SART3: variants seen among roughly 807,000 people sequenced by gnomAD.
SART3 encodes spliceosome associated factor 3, U4/U6 recycling protein.
In SART3, 44 loss-of-function variants were observed where a neutral mutation model predicts 122.3. The observed-to-expected ratio is 0.36, with a 90% CI of 0.28 to 0.46. The LOEUF is 0.46. Among genes scored for constraint, SART3 ranks in the 20% least tolerant of loss-of-function variants. The probability of loss-of-function intolerance (pLI) is 1.00; values close to 1 mark genes in which losing one functional copy is unlikely to be tolerated. For missense variants in SART3, 1,101 were observed against 1,229.0 expected (o/e 0.90, Z 1.56); for synonymous variants, 442 against 454.0 (o/e 0.97, Z 0.34).
chr12:108,528,439 C>A (rs1565857987), intron 15 of SART3, among the ~76,000 whole-genome samples: 1 of 147,958 alleles, frequency 6.8e-6, no homozygotes, highest in South Asian at 2.1e-4. Context: ...GCCGAGATCA[C>A]GCAACTGCAC....
At chr12:108,544,501 C>G (rs758165784) in intron 4 of SART3, 23 bp from the exon 5 acceptor site, 1 of 1,614,156 alleles carries the variant, frequency 6.2e-7, no homozygotes, top group Non-Finnish European at 8.5e-7. Context: ...GGTTTGTTCC[C>G]GGTCAAAAGG....
chr12:108,531,651 AGGG>A (rs1321820763), intron 13 of SART3: 10 of 286,062 alleles, frequency 3.5e-5, no homozygotes, highest in Admixed American at 2.9e-4. Flanking sequence ...GCCAGTTCTG[AGGG>A]GTCCATACCC....
chr12:108,541,543 T>A lies in SART3; in HGVS notation c.906+1485A>T, dbSNP rs137936232. On this transcript the variant is annotated intron_variant, in intron 6 of 18. Coordinates refer to ENST00000546815, the MANE Select transcript of SART3 (RefSeq NM_014706.4). Reference sequence around the variant, plus strand: ...ATCAAAAGGGAAATGGGTCAAAGACTTTTTTTTTTGAGACGGAGTCTCACA... The same window carrying A: ...ATCAAAAGGGAAATGGGTCAAAGACATTTTTTTTTGAGACGGAGTCTCACA... Among the ~76,000 whole-genome samples, 1,137 of 149,622 alleles carry A rather than the reference T, an allele frequency of 7.6e-3. 11 individuals are homozygous for A. Among genetic ancestry groups the A allele is most frequent in the African/African-American group, 0.026 (1,080 of 40,910 alleles).
chr12:108,532,863 C>A (rs1872743815), intron 12 of SART3, among the ~76,000 whole-genome samples: 1 of 152,090 alleles, frequency 6.6e-6, no homozygotes, highest in South Asian at 2.1e-4. Context: ...AGGCAATTCT[C>A]CTGCTTCAGC....
In SART3 at chr12:108,526,749, A is replaced by G. The variant is rs557464556; in HGVS notation, c.1916-196T>C. Reference sequence around the variant, plus strand: ...CTGTCCCACGACTTTCTGTGCCCCAATTACACTCGGGTAAGTGGGCTCAAT... The same window carrying G: ...CTGTCCCACGACTTTCTGTGCCCCAGTTACACTCGGGTAAGTGGGCTCAAT... On this transcript the variant is annotated intron_variant, in intron 15 of 18. Coordinates refer to ENST00000546815, the MANE Select transcript of SART3 (RefSeq NM_014706.4). Among the ~76,000 whole-genome samples, 17 of 148,646 alleles carry G rather than the reference A, an allele frequency of 1.1e-4. 1 individual carries two copies. The highest frequency in any genetic ancestry group is 3.2e-4 in the African/African-American group (13 of 40,454).
intron 11 of SART3, 106 bp from the exon 12 acceptor site, chr12:108,535,574 T>C: frequency 3.3e-6 from 3 of 919,370 alleles, no homozygotes; most frequent in Non-Finnish European, 5.4e-6. Flanking sequence ...CCACAACTAT[T>C]AGTGTTACAG....
Position 108,531,293 on chromosome 12 carries a change from A to G in SART3, c.1670-13T>C. The G allele has an allele frequency of 6.2e-7, 1 of 1,608,332 alleles. No individual in the cohort carries two copies. The highest frequency in any genetic ancestry group is 8.5e-7 in the Non-Finnish European group (1 of 1,174,836). On this transcript the variant is annotated splice_polypyrimidine_tract_variant and intron_variant, in intron 13 of 18. Coordinates refer to ENST00000546815, the MANE Select transcript of SART3 (RefSeq NM_014706.4). ...TCTTCTAAAGAACCTTGAAAGAAAG[A>G]GAAGCAAAACTTTCACTCTTTAGGA...
At chr12:108,532,475 A>G in intron 12 of SART3, 141 bp from the exon 13 acceptor site, 2 of 692,476 alleles carry the variant, frequency 2.9e-6, no homozygotes, top group African/African-American at 1.8e-5. Flanking sequence ...AGATCTATCC[A>G]TGATGCTTTC....
At chr12:108,548,356 T>C (rs1873531370) in intron 2 of SART3, among the ~76,000 whole-genome samples, 1 of 152,234 alleles carries the variant, frequency 6.6e-6, no homozygotes, top group Non-Finnish European at 1.5e-5. Context: ...GAATAGCTCA[T>C]CCTATACCGT....
chr12:108,535,300 G>T, intron 12 of SART3, 59 bp downstream of exon 12: 6 of 1,365,754 alleles, frequency 4.4e-6, no homozygotes, highest in South Asian at 2.3e-5. Flanking sequence ...TCAGCCAGGA[G>T]TGAAGACAGG....
In SART3 at chr12:108,537,601, G is replaced by C. The variant is rs1391145772; in HGVS notation, c.1202-6C>G. On this transcript the variant is annotated splice_region_variant and splice_polypyrimidine_tract_variant and intron_variant, in intron 8 of 18. Coordinates refer to ENST00000546815, the MANE Select transcript of SART3 (RefSeq NM_014706.4). ...CAAAGCTTTCTCGAAGGTTACTGGA[G>C]TTGGAGAAAAGTCAGGATTTGTTAC... The C allele has an allele frequency of 3.1e-6, 5 of 1,611,728 alleles. No individual in the cohort carries two copies.
chr12:108,549,669 C>T (rs761814020), intron 1 of SART3, among the ~76,000 whole-genome samples: 1 of 152,096 alleles, frequency 6.6e-6, no homozygotes, highest in East Asian at 1.9e-4. Context: ...AATTTCATAA[C>T]GTCCTTTAGC....
At chr12:108,558,099 G>A (rs1010678752) in intron 1 of SART3, among the ~76,000 whole-genome samples, 1 of 152,026 alleles carries the variant, frequency 6.6e-6, no homozygotes, top group Admixed American at 6.6e-5. Context: ...AGCCTGGGAG[G>A]TCCTAGCTGC....
intron 15 of SART3, among the ~76,000 whole-genome samples, chr12:108,528,861 C>A (rs1872520655): frequency 6.6e-6 from 1 of 152,152 alleles, no homozygotes; most frequent in Admixed American, 6.5e-5. Flanking sequence ...GTGGCTCACA[C>A]CTGTAATCCC....
intron 15 of SART3, 131 bp downstream of exon 15, chr12:108,530,011 A>G (rs1872587263): frequency 5.6e-6 from 6 of 1,064,930 alleles, no homozygotes; most frequent in Non-Finnish European, 8.6e-6. Context: ...CAAGACATAC[A>G]CCCTAACAGT....
At chr12:108,525,387 C>T in intron 17 of SART3, 70 bp downstream of exon 17, 1 of 1,549,566 alleles carries the variant, frequency 6.5e-7, no homozygotes, top group Non-Finnish European at 8.9e-7. Flanking sequence ...GTTAAATCAT[C>T]TTTGAACCGA....
At chr12:108,530,708 A>G (rs1005113013) in intron 14 of SART3, among the ~76,000 whole-genome samples, 1 of 152,172 alleles carries the variant, frequency 6.6e-6, no homozygotes, top group Non-Finnish European at 1.5e-5. Flanking sequence ...AATACAAAAA[A>G]TTAGCTAGGT....
At chr12:108,539,415 AC>A (rs1873061652) in intron 6 of SART3, among the ~76,000 whole-genome samples, 1 of 152,214 alleles carries the variant, frequency 6.6e-6, no homozygotes. Flanking sequence ...ACTGTCAACC[AC>A]CCTTCCAAAC....
intron 12 of SART3, among the ~76,000 whole-genome samples, chr12:108,534,233 T>A (rs1316301421): frequency 1.3e-5 from 2 of 152,148 alleles, no homozygotes; most frequent in Non-Finnish European, 2.9e-5. Flanking sequence ...ATTATAAATA[T>A]CAATAGATAT....
Sources: gnomAD v4.1 joint callset for allele counts (sites outside exome capture counted in the v4.1 genomes callset) on GRCh38, gnomAD v4.1.1 for gene constraint, MANE v1.5 for transcripts, NCBI Gene and HGNC (gene_info 2026-07-23, HGNC 2026-07-21) for gene names.